GALR1: variants seen among roughly 807,000 people sequenced by gnomAD.
GALR1 encodes the protein galanin receptor 1.
A neutral mutation model predicts 17.9 loss-of-function variants in GALR1; 11 were observed. The ratio of observed to expected loss-of-function variants is 0.62; its 90% CI spans 0.39 to 1.02. GALR1 has a LOEUF of 1.02. Among genes scored for constraint, GALR1 ranks in the 50% least tolerant of loss-of-function variants. The pLI, the probability that GALR1 is intolerant of heterozygous loss-of-function variation, is 0.01. For synonymous variants in GALR1, 206 were observed against 205.7 expected (o/e 1.00, Z -0.01); for missense variants, 441 against 456.9 (o/e 0.97, Z 0.32).
At position 77,269,138 on chromosome 18, in the gene GALR1, G is replaced by A. The variant is rs1416460282; in HGVS notation, c.*236G>A. ...TCTAAATTATGTTTCAGAAACAAAA[G>A]ACAATGCTGTACAGTTTTATTCCTC... is the stretch of plus-strand genomic sequence containing the variant. On this transcript the variant is annotated 3_prime_UTR_variant, in exon 3 of 3. Transcript: ENST00000299727. The A allele has an allele frequency of 5.9e-6, 3 of 510,632 alleles. No individual in the cohort carries two copies. In the East Asian group the frequency reaches 1.0e-4, roughly 18 times the overall value. The allele number at this position is 510,632 out of a possible 1,614,324, so 31.6% of individuals were successfully genotyped here. A position where few individuals can be genotyped will look rare whatever the true frequency, so the allele number is the denominator to read the frequency against.
chr18:77,258,744 TTA>T (rs1912685056), intron 2 of GALR1, among the ~76,000 whole-genome samples: 1 of 41,978 alleles, frequency 2.4e-5, no homozygotes, highest in Admixed American at 3.0e-4. Context: ...GTGATGATGG[TTA>T]TGGTGGTGAT....
rs1316568556 is a variant in GALR1 at position 77,250,414 on chromosome 18, G to A, written c.-135G>A. 2 of 944,044 alleles carry A rather than the reference G, an allele frequency of 2.1e-6. No individual in the cohort carries two copies. The highest frequency in any genetic ancestry group is 3.1e-5 in the East Asian group (1 of 32,084). The allele number at this position is 944,044 out of a possible 1,614,324, so 58.5% of individuals were successfully genotyped here. On this transcript the variant is annotated 5_prime_UTR_variant, in exon 1 of 3. Transcript: ENST00000299727. ...CGGATCCCCGCTCCCGCTGGCTCGC[G>A]CCTCGGGGGAAGCTCAGACTCCTAA...
intron 1 of GALR1, among the ~76,000 whole-genome samples, chr18:77,255,910 A>G (rs1009446138): frequency 6.6e-6 from 1 of 152,236 alleles, no homozygotes; most frequent in Non-Finnish European, 1.5e-5. Flanking sequence ...CATTCTCTGC[A>G]AACAGGTGCT....
At position 77,270,649 on chromosome 18, in the gene GALR1, C is replaced by G. The variant is rs1449248247; in HGVS notation, c.*1747C>G. ...AAACTTGACATAAGCCTTTGGCATG[C>G]TAATTTTTTTAGCTCATTCACTTAC... On this transcript the variant is annotated 3_prime_UTR_variant, in exon 3 of 3. Transcript: ENST00000299727. The G allele has an allele frequency of 1.3e-5, 2 of 151,770 alleles. No individual in the cohort carries two copies. Among genetic ancestry groups the G allele is most frequent in the Non-Finnish European group, 2.9e-5 (2 of 67,978 alleles). The allele number at this position is 151,770 out of a possible 1,614,324, so 9.4% of individuals were successfully genotyped here.
chr18:77,260,236 A>G (rs948636386), intron 2 of GALR1, among the ~76,000 whole-genome samples: 5 of 152,294 alleles, frequency 3.3e-5, no homozygotes, highest in Admixed American at 3.3e-4. Flanking sequence ...TTTCTGGTTC[A>G]TAGATGGCCC....
At chr18:77,265,899 G>T (rs71362708) in intron 2 of GALR1, among the ~76,000 whole-genome samples, 21 of 152,266 alleles carry the variant, frequency 1.4e-4, no homozygotes, top group African/African-American at 4.6e-4. Flanking sequence ...TTTCCTCCTA[G>T]GCCTCTGGGT....
At chr18:77,268,513 A>C in intron 2 of GALR1, 72 bp from the exon 3 acceptor site, 2 of 966,204 alleles carry the variant, frequency 2.1e-6, no homozygotes, top group South Asian at 1.6e-5. Flanking sequence ...GTAATCAATG[A>C]ATTTCCTTCC....
intron 2 of GALR1, among the ~76,000 whole-genome samples, chr18:77,266,048 GT>G (rs562589980): frequency 1.3e-5 from 2 of 152,040 alleles, no homozygotes. Flanking sequence ...CCAAAAATGC[GT>G]TTTTTTCTTT....
At chr18:77,253,245 C>T (rs1176767903) in intron 1 of GALR1, among the ~76,000 whole-genome samples, 6 of 151,974 alleles carry the variant, frequency 3.9e-5, no homozygotes, top group East Asian at 1.9e-4. Context: ...ATTATTTACC[C>T]GTATTTTATT....
intron 2 of GALR1, among the ~76,000 whole-genome samples, chr18:77,259,337 T>G (rs1189697850): frequency 1.2e-3 from 135 of 112,630 alleles, no homozygotes; most frequent in African/African-American, 4.3e-3. Flanking sequence ...TGGTGGCGAT[T>G]GTGGTGATGG....
Position 77,251,071 on chromosome 18 carries a change from G to A in GALR1, c.523G>A (p.Gly175Ser). 1.9e-6 allele frequency: 3 copies of A among 1,609,580 alleles called. No individual in the cohort carries two copies. The highest frequency in any genetic ancestry group is 1.1e-5 in the South Asian group (1 of 91,088). ...GGCCTCGCCCGTGGCCTACCACCAG[G>A]GCCTCTTCCACCCGCGCGCCAGCAA... Reference protein sequence around the residue: ...AMASPVAYHQGLFHPRASNQT... With the variant: ...AMASPVAYHQSLFHPRASNQT... The change falls in exon 1 of 3, where the codon GGC becomes AGC. Residue 175 changes from glycine (G) to serine (S), a missense_variant. Gly to Ser is a moderately conservative substitution (Grantham distance 56). Transcript: ENST00000299727.
At chr18:77,252,938 C>CCATAT (rs1912481789) in intron 1 of GALR1, among the ~76,000 whole-genome samples, 1 of 46,510 alleles carries the variant, frequency 2.2e-5, no homozygotes, top group Non-Finnish European at 5.5e-5. Flanking sequence ...ACCACCACCA[C>CCATAT]CACCACCACC....
In GALR1 at chr18:77,252,908, CCACCACCACCACCAT is replaced by C. The variant is rs1568139038; in HGVS notation, c.666+1709_666+1723del. 7.6e-3 allele frequency among the ~76,000 whole-genome samples: 352 copies of C among 46,280 alleles called. 10 individuals are homozygous for C. The highest frequency in any genetic ancestry group is 0.015 in the East Asian group (26 of 1,702). The allele number at this position is 46,280 out of a possible 152,430, so 30.4% of individuals were successfully genotyped here. A position where few individuals can be genotyped will look rare whatever the true frequency, so the allele number is the denominator to read the frequency against. On this transcript the variant is annotated intron_variant, in intron 1 of 2. Transcript: ENST00000299727. ...ACCACCACCACCATCACCACCACCA[CCACCACCACCACCAT>C]CACCACCACCACCACCACCACCACC...
intron 2 of GALR1, among the ~76,000 whole-genome samples, chr18:77,266,059 T>A (rs1163978565): frequency 1.3e-5 from 2 of 152,216 alleles, no homozygotes; most frequent in Non-Finnish European, 2.9e-5. Flanking sequence ...TTTTTTTCTT[T>A]TCTATTGCAT....
In GALR1 at chr18:77,256,219, A is replaced by G. The variant is rs1410568735; in HGVS notation, c.728A>G (p.Lys243Arg). 2.6e-6 allele frequency: 4 copies of G among 1,549,352 alleles called. No individual in the cohort carries two copies. Among genetic ancestry groups the G allele is most frequent in the Non-Finnish European group, 2.7e-6 (3 of 1,121,750 alleles). Residue 243 changes from lysine (K) to arginine (R), a missense_variant, in exon 2 of 3, where the codon AAA becomes AGA. Physicochemically the swap from Lys to Arg is conservative, Grantham distance 26. Coordinates refer to ENST00000299727, the MANE Select transcript of GALR1 (RefSeq NM_001480.4). Reference protein sequence around the residue: ...NMSKKSEASKKKTAQTVLVVV... With the variant: ...NMSKKSEASKRKTAQTVLVVV... ...TCAAAGAAGTCTGAAGCATCCAAGAAAAAGGTAATGATCACAAATATATAT... is the reference window on the plus strand; with the variant it reads ...TCAAAGAAGTCTGAAGCATCCAAGAGAAAGGTAATGATCACAAATATATAT...
At position 77,259,333 on chromosome 18, in the gene GALR1, C is replaced by T. The variant is rs940336586; in HGVS notation, c.732+3110C>T. Among the ~76,000 whole-genome samples the T allele has an allele frequency of 5.1e-3, 548 of 107,448 alleles. 1 individual carries two copies. The highest frequency in any genetic ancestry group is 0.019 in the African/African-American group (473 of 24,620). The allele number at this position is 107,448 out of a possible 152,430, so 70.5% of individuals were successfully genotyped here. The stretch of plus-strand genomic sequence containing the variant: ...GTGGTGATGATGGTGGTCATGGTGG[C>T]GATTGTGGTGATGGTGGTGGATGGT... On this transcript the variant is annotated intron_variant, in intron 2 of 2. Transcript: ENST00000299727.
rs1453407644 is a variant in GALR1, at chr18:77,251,064, C to G, written c.516C>G (p.Tyr172Ter). 6.2e-7 allele frequency: 1 copy of G among 1,608,756 alleles called. No individual in the cohort carries two copies. Among genetic ancestry groups the G allele is most frequent in the Non-Finnish European group, 8.5e-7 (1 of 1,179,902 alleles). Residue 172 changes from tyrosine (Y) to a stop codon, truncating the protein, a stop_gained, in exon 1 of 3, where the codon TAC (tyrosine) becomes TAG (stop). Transcript: ENST00000299727. LOFTEE classifies it high-confidence loss of function. ...TTGCCATGGCCTCGCCCGTGGCCTA[C>G]CACCAGGGCCTCTTCCACCCGCGCG... ...LSIAMASPVA[Y>*]HQGLFHPRAS...
At chr18:77,251,293 G>A (rs1455283442) in intron 1 of GALR1, 79 bp downstream of exon 1, 5 of 1,513,882 alleles carry the variant, frequency 3.3e-6, no homozygotes, top group African/African-American at 2.8e-5. Flanking sequence ...AGTGTCCCGC[G>A]GCCCTGCCGG....
intron 2 of GALR1, among the ~76,000 whole-genome samples, chr18:77,264,048 C>T (rs1273905018): frequency 2.9e-5 from 4 of 137,702 alleles, no homozygotes; most frequent in African/African-American, 5.4e-5. Flanking sequence ...GCAGAAGAAT[C>T]GCTTGAACGT....
Sources: allele counts gnomAD v4.1 joint callset (sites outside exome capture counted in the v4.1 genomes callset), GRCh38; gene constraint gnomAD v4.1.1; transcripts MANE v1.5; gene names NCBI Gene and HGNC (gene_info 2026-07-23, HGNC 2026-07-21).